Variants in GMDS observed in about 807,000 individuals in gnomAD.
GMDS encodes the protein GDP-mannose 4,6-dehydratase.
Under a neutral mutation model 49.9 loss-of-function variants are expected in GMDS, and 20 were observed. That is an observed-to-expected ratio of 0.40 (90% CI 0.28 to 0.58). The LOEUF (loss-of-function observed/expected upper bound fraction) is 0.58. Ranked by LOEUF, GMDS falls within the 20% of genes least tolerant of loss-of-function variation. GMDS has a pLI of 0.42. For synonymous variants in GMDS, 177 were observed against 178.6 expected, an observed-to-expected ratio of 0.99 and a Z score of 0.07; for missense variants, 362 against 481.4, an observed-to-expected ratio of 0.75 and a Z score of 2.32.
chr6:2,021,262 C>A (rs750575809), intron 4 of GMDS, among the ~76,000 whole-genome samples: 9 of 152,192 alleles, frequency 5.9e-5, no homozygotes, highest in Non-Finnish European at 1.0e-4. Flanking sequence ...TATAACCAGC[C>A]ATTCTAAGGA....
intron 9 of GMDS, among the ~76,000 whole-genome samples, chr6:1,700,069 C>A (rs146373753): frequency 9.9e-5 from 15 of 152,262 alleles, no homozygotes; most frequent in Admixed American, 5.2e-4. Context: ...AGAACCACCC[C>A]CTCCGCACCG....
At chr6:1,750,402 T>G (rs1767671244) in intron 7 of GMDS, among the ~76,000 whole-genome samples, 1 of 152,188 alleles carries the variant, frequency 6.6e-6, no homozygotes, top group Non-Finnish European at 1.5e-5. Context: ...TCATTGGGAC[T>G]GGTTAGACAG....
At chr6:1,968,473 T>C (rs77416166) in intron 4 of GMDS, among the ~76,000 whole-genome samples, 1,837 of 152,334 alleles carry the variant, frequency 0.012, 34 homozygotes, top group African/African-American at 0.041. Context: ...CCTGAGACAC[T>C]GCTGATCAGG....
chr6:2,216,930 A>G (rs1434309326), intron 1 of GMDS, among the ~76,000 whole-genome samples: 3 of 151,714 alleles, frequency 2.0e-5, no homozygotes, highest in Non-Finnish European at 2.9e-5. Flanking sequence ...ACGGAAAGGG[A>G]GCTCAGTGGT....
intron 9 of GMDS, among the ~76,000 whole-genome samples, chr6:1,704,070 G>C (rs1765634970): frequency 6.6e-6 from 1 of 152,136 alleles, no homozygotes; most frequent in South Asian, 2.1e-4. Context: ...ACAGGCACGA[G>C]GAAGATATGA....
intron 4 of GMDS, among the ~76,000 whole-genome samples, chr6:2,056,372 C>T (rs1472669323): frequency 1.3e-5 from 2 of 152,288 alleles, no homozygotes; most frequent in Non-Finnish European, 2.9e-5. Context: ...TTAGCCACTG[C>T]ACATGTAAGT....
At chr6:1,879,123 A>T (rs1759241086) in intron 7 of GMDS, among the ~76,000 whole-genome samples, 1 of 152,258 alleles carries the variant, frequency 6.6e-6, no homozygotes, top group Non-Finnish European at 1.5e-5. Flanking sequence ...TAAAAAGAAG[A>T]ATTCAAGAAT....
intron 9 of GMDS, among the ~76,000 whole-genome samples, chr6:1,652,625 T>TA (rs1491575714): frequency 1.4e-3 from 5 of 3,576 alleles, no homozygotes; most frequent in South Asian, 6.6e-3. Flanking sequence ...ATATATATTA[T>TA]TTATATATAA....
intron 4 of GMDS, among the ~76,000 whole-genome samples, chr6:2,009,844 CA>C (rs1209222204): frequency 6.6e-6 from 1 of 152,166 alleles, no homozygotes; most frequent in Non-Finnish European, 1.5e-5. Flanking sequence ...CTCTCCAAAA[CA>C]GATTGCTTAT....
intron 7 of GMDS, among the ~76,000 whole-genome samples, chr6:1,750,834 C>T (rs924424472): frequency 6.6e-5 from 10 of 152,160 alleles, no homozygotes; most frequent in African/African-American, 1.4e-4. Context: ...TTGAAATTCC[C>T]GCTGCCAGCA....
Position 2,147,568 on chromosome 6 carries a change from A to G in GMDS, c.103-22837T>C, listed in dbSNP as rs547050675. 4.4e-4 allele frequency among the ~76,000 whole-genome samples: 67 copies of G among 152,094 alleles called. 1 individual carries two copies. The highest frequency in any genetic ancestry group is 1.5e-3 in the African/African-American group (63 of 41,492). ...CATTAATTATCTCCAGTCTGGCGTTAAGACATTGGAAACCTCTGCATCATT... is the reference window on the plus strand; with the variant it reads ...CATTAATTATCTCCAGTCTGGCGTTGAGACATTGGAAACCTCTGCATCATT... On this transcript the variant is annotated intron_variant, in intron 1 of 10. Transcript: ENST00000380815.
At chr6:2,118,067 A>G (rs528154064) in intron 2 of GMDS, among the ~76,000 whole-genome samples, 2 of 152,180 alleles carry the variant, frequency 1.3e-5, no homozygotes, top group Non-Finnish European at 2.9e-5. Flanking sequence ...GCTAAGTAGA[A>G]AAGTCGGAAA....
intron 9 of GMDS, among the ~76,000 whole-genome samples, chr6:1,634,770 G>C (rs1763092673): frequency 6.6e-6 from 1 of 152,174 alleles, no homozygotes; most frequent in Non-Finnish European, 1.5e-5. Flanking sequence ...CCAGCTAAGA[G>C]ACTCCAGTCA....
At chr6:1,681,757 C>T (rs532060969) in intron 9 of GMDS, among the ~76,000 whole-genome samples, 6 of 152,356 alleles carry the variant, frequency 3.9e-5, no homozygotes, top group Non-Finnish European at 7.3e-5. Flanking sequence ...TGCAGTGGCA[C>T]GATCACAGCT....
chr6:2,209,529 G>GC (rs1434612802), intron 1 of GMDS, among the ~76,000 whole-genome samples: 2 of 150,772 alleles, frequency 1.3e-5, no homozygotes, highest in Non-Finnish European at 2.9e-5. Context: ...GTCAAACCTT[G>GC]CATGTAATGT....
chr6:1,819,390 G>GT (rs1267726276), intron 7 of GMDS, among the ~76,000 whole-genome samples: 2 of 152,186 alleles, frequency 1.3e-5, no homozygotes, highest in African/African-American at 4.8e-5. Context: ...AAAGCACTGA[G>GT]TTGTACCTTG....
chr6:1,783,334 G>A (rs1332482981), intron 7 of GMDS, among the ~76,000 whole-genome samples: 3 of 152,154 alleles, frequency 2.0e-5, no homozygotes, highest in African/African-American at 7.2e-5. Flanking sequence ...GTTCCACGGG[G>A]TGCAGGTGCA....
At chr6:2,006,086 C>A (rs188303435) in intron 4 of GMDS, among the ~76,000 whole-genome samples, 1 of 152,094 alleles carries the variant, frequency 6.6e-6, no homozygotes, top group African/African-American at 2.4e-5. Context: ...GCTTCCTCCA[C>A]CTGAATGCCC....
In GMDS at chr6:1,759,632, G is replaced by A. The variant is rs375119488; in HGVS notation, c.772-17046C>T. On this transcript the variant is annotated intron_variant, in intron 7 of 10. Coordinates refer to ENST00000380815, the MANE Select transcript of GMDS (RefSeq NM_001500.4). Reference sequence around the variant, plus strand: ...GTGCTAGAGTCTGGCGATAGACCACGTAGGAACAGACAGGGAAGACACTGT... The same window carrying A: ...GTGCTAGAGTCTGGCGATAGACCACATAGGAACAGACAGGGAAGACACTGT... Among the ~76,000 whole-genome samples the A allele has an allele frequency of 7.2e-5, 11 of 152,202 alleles. No homozygotes were observed. In the South Asian group the frequency reaches 1.2e-3, roughly 17 times the overall value.
Sources: gnomAD v4.1 joint callset for allele counts (sites outside exome capture counted in the v4.1 genomes callset) on GRCh38, gnomAD v4.1.1 for gene constraint, MANE v1.5 for transcripts, NCBI Gene and HGNC (gene_info 2026-07-23, HGNC 2026-07-21) for gene names.